Variants in TEX101 observed in about 807,000 individuals in gnomAD.
TEX101 encodes testis expressed 101, also known as testis-expressed protein 101.
TEX101 carries 10 observed loss-of-function variants against 18.1 expected under a neutral mutation model. The observed-to-expected ratio is 0.55, with a 90% confidence interval of 0.34 to 0.94. The LOEUF (loss-of-function observed/expected upper bound fraction) is 0.94. Ranked by LOEUF, TEX101 falls within the 40% of genes least tolerant of loss-of-function variation. The pLI is 0.02. For synonymous variants in TEX101, 94 were observed against 114.8 expected (o/e 0.82, Z 1.16); for missense variants, 259 against 298.9 (o/e 0.87, Z 0.98).
At position 43,409,653 on chromosome 19, in the gene TEX101, A is replaced by T. The variant is rs576510643; in HGVS notation, c.15+3134A>T. ...AAAGAAAGAAAATAGAATTCAAAAC[A>T]GAAGGTAAAAGAGACTGAAGCAGGA... On this transcript the variant is annotated intron_variant, in intron 3 of 7. Transcript: ENST00000602198. 2.6e-5 allele frequency among the ~76,000 whole-genome samples: 4 copies of T among 152,162 alleles called. No individual in the cohort carries two copies. The East Asian group carries it at 7.7e-4, about 29-fold the overall frequency.
At chr19:43,414,420 A>G (rs1332033372), upstream of TEX101, among the ~76,000 whole-genome samples, 3 of 152,132 alleles carry the variant, frequency 2.0e-5, no homozygotes, top group African/African-American at 2.4e-5. Flanking sequence ...CCTGGGCTGC[A>G]CAGGGGCCAC....
At chr19:43,412,609 CA>C (rs1347470843), upstream of TEX101, among the ~76,000 whole-genome samples, 3 of 152,070 alleles carry the variant, frequency 2.0e-5, no homozygotes, top group Non-Finnish European at 4.4e-5. Context: ...AGTGACTCAA[CA>C]AGGTGACTGC....
At chr19:43,412,297 C>T (rs1011655252), upstream of TEX101, among the ~76,000 whole-genome samples, 1 of 152,080 alleles carries the variant, frequency 6.6e-6, no homozygotes, top group African/African-American at 2.4e-5. Context: ...AGGTGCCACA[C>T]ACTTAAACAA....
At chr19:43,410,533 G>A (rs774771016), upstream of TEX101, among the ~76,000 whole-genome samples, 3 of 151,992 alleles carry the variant, frequency 2.0e-5, no homozygotes, top group Non-Finnish European at 4.4e-5. Flanking sequence ...AATACGGAGG[G>A]CCTGAGGTAT....
At chr19:43,399,723 T>C (rs1411622866), upstream of TEX101, among the ~76,000 whole-genome samples, 3 of 152,122 alleles carry the variant, frequency 2.0e-5, no homozygotes, top group African/African-American at 7.2e-5. Context: ...TTCAATCCAT[T>C]GCATCCACAC....
At chr19:43,413,493 C>A (rs1424326346), upstream of TEX101, among the ~76,000 whole-genome samples, 2 of 35,646 alleles carry the variant, frequency 5.6e-5, no homozygotes, top group Non-Finnish European at 9.8e-5. Context: ...CAGAGGGAGA[C>A]TCCAAAAAAA....
Position 43,406,598 on chromosome 19 carries a change from G to A in TEX101, c.15+79G>A, listed in dbSNP as rs890332279. The A allele has an allele frequency of 1.6e-5, 10 of 606,480 alleles. No homozygotes were observed. In the African/African-American group the frequency reaches 1.7e-4, roughly 10 times the overall value. The allele number at this position is 606,480 out of a possible 1,614,324, so 37.6% of individuals were successfully genotyped here. A position where few individuals can be genotyped will look rare whatever the true frequency, so the allele number is the denominator to read the frequency against. On this transcript the variant is annotated intron_variant, in intron 3 of 7. Transcript: ENST00000602198. ...CTAACCTGGTGGGGGAGTCGGGCGCGAGTTTCGAGAGAGACTCTGGCTTCT... is the reference window on the plus strand; with the variant it reads ...CTAACCTGGTGGGGGAGTCGGGCGCAAGTTTCGAGAGAGACTCTGGCTTCT...
chr19:43,398,346 G>A (rs189098795), upstream of TEX101, among the ~76,000 whole-genome samples: 71 of 146,300 alleles, frequency 4.9e-4, no homozygotes, highest in East Asian at 8.3e-3. Flanking sequence ...CGCCATCTTC[G>A]CTCACTGCAA....
At chr19:43,404,563 C>T (rs1358184303) in intron 2 of TEX101, among the ~76,000 whole-genome samples, 1 of 151,914 alleles carries the variant, frequency 6.6e-6, no homozygotes, top group Non-Finnish European at 1.5e-5. Context: ...TACAATGAAC[C>T]CCTTATATAT....
At chr19:43,405,788 T>C (rs1404668232) in intron 2 of TEX101, among the ~76,000 whole-genome samples, 3 of 151,330 alleles carry the variant, frequency 2.0e-5, no homozygotes, top group East Asian at 2.0e-4. Flanking sequence ...TGGTGGCATG[T>C]GCTGTAATCC....
upstream of TEX101, among the ~76,000 whole-genome samples, chr19:43,397,625 G>A (rs1970278891): frequency 6.7e-6 from 1 of 150,184 alleles, no homozygotes; most frequent in South Asian, 2.1e-4. Flanking sequence ...TCAAGACACT[G>A]TGTCCTTGAG....
chr19:43,389,805 C>G, the TEX101 span, among the ~76,000 whole-genome samples: 4 of 152,342 alleles, frequency 2.6e-5, no homozygotes, highest in African/African-American at 9.6e-5. Flanking sequence ...TATGTCCCTT[C>G]CATGTCCTAC....
At chr19:43,410,234 C>T (rs140812946), upstream of TEX101, among the ~76,000 whole-genome samples, 531 of 152,132 alleles carry the variant, frequency 3.5e-3, 4 homozygotes, top group African/African-American at 0.012. Flanking sequence ...ATGCTTATGC[C>T]GGCTTCACTG....
At position 43,416,147 on chromosome 19, in the gene TEX101, C is replaced by T. The variant is rs142541522; in HGVS notation, c.113C>T (p.Ala38Val). Residue 38 changes from alanine to valine, a missense_variant, in exon 3 of 6, where the codon GCA becomes GTA. Physicochemically the swap from Ala to Val is moderately conservative, Grantham distance 64. Coordinates refer to ENST00000598265, the MANE Select transcript of TEX101 (RefSeq NM_001130011.3). Reference sequence around the variant, plus strand: ...AAGGGTCTGTCCATGACTGTGGAAGCAGATCCAGCCAATATGTTTAACTGG... The same window carrying T: ...AAGGGTCTGTCCATGACTGTGGAAGTAGATCCAGCCAATATGTTTAACTGG... ...CQKGLSMTVE[A>V]DPANMFNWTT... 55 of 1,613,832 alleles carry T rather than the reference C, an allele frequency of 3.4e-5. 1 individual carries two copies. In the African/African-American group the frequency reaches 5.6e-4, roughly 16 times the overall value.
At chr19:43,407,865 G>A (rs1970382797) in intron 3 of TEX101, among the ~76,000 whole-genome samples, 1 of 152,226 alleles carries the variant, frequency 6.6e-6, no homozygotes, top group Non-Finnish European at 1.5e-5. Context: ...AGGGTGGCCG[G>A]CCCCTCGCCC....
chr19:43,406,502 C>G, exon 3 of TEX101: 1 of 755,200 alleles, frequency 1.3e-6, no homozygotes, highest in Non-Finnish European at 2.5e-6. Context: ...CTTCAGTTCC[C>G]GCATGGGGGC....
upstream of TEX101, among the ~76,000 whole-genome samples, chr19:43,398,496 G>A (rs964977187): frequency 4.6e-5 from 7 of 151,714 alleles, no homozygotes; most frequent in Non-Finnish European, 7.4e-5. Flanking sequence ...GGATGGTCTC[G>A]ATCTCTCGAC....
chr19:43,391,595 T>C, the TEX101 span, among the ~76,000 whole-genome samples: 3 of 152,126 alleles, frequency 2.0e-5, no homozygotes, highest in East Asian at 3.8e-4. Flanking sequence ...ACATGGTGCA[T>C]TGTTCTGCTT....
At chr19:43,404,838 T>A (rs1970347526) in intron 2 of TEX101, among the ~76,000 whole-genome samples, 1 of 151,640 alleles carries the variant, frequency 6.6e-6, no homozygotes, top group Non-Finnish European at 1.5e-5. Context: ...TTAAAATATA[T>A]AAGAAATAAA....
Sources: gnomAD v4.1 joint callset for allele counts (sites outside exome capture counted in the v4.1 genomes callset) on GRCh38, gnomAD v4.1.1 for gene constraint, MANE v1.5 for transcripts, NCBI Gene and HGNC (gene_info 2026-07-23, HGNC 2026-07-21) for gene names.